SPNS2: variants seen among roughly 807,000 people sequenced by gnomAD.
SPNS2 encodes the protein SPNS lysolipid transporter 2, sphingosine-1-phosphate.
Under a neutral mutation model 57.6 loss-of-function variants are expected in SPNS2, and 37 were observed. The observed-to-expected ratio is 0.64, with a 90% CI of 0.49 to 0.85. The LOEUF (loss-of-function observed/expected upper bound fraction) is 0.85, where lower values mean the gene tolerates loss of function less well. Ranked by LOEUF, SPNS2 falls within the 40% of genes least tolerant of loss-of-function variation. The pLI is 0.00. For missense variants in SPNS2, 831 were observed against 779.1 expected, an observed-to-expected ratio of 1.07 and a Z score of -0.79; for synonymous variants, 440 against 346.9, an observed-to-expected ratio of 1.27 and a Z score of -2.98.
chr17:4,537,146 T>C (rs569507373), intron 12 of SPNS2, among the ~76,000 whole-genome samples, 200 bp downstream of exon 12: 4 of 152,344 alleles, frequency 2.6e-5, no homozygotes, highest in Admixed American at 2.6e-4. Flanking sequence ...TCCAGTAAAT[T>C]AGCTCCCCTT....
At chr17:4,516,992 A>G (rs564740807) in intron 2 of SPNS2, among the ~76,000 whole-genome samples, 31 of 152,354 alleles carry the variant, frequency 2.0e-4, no homozygotes, top group African/African-American at 7.5e-4. Context: ...CTTCCATAGA[A>G]CACATCACCC....
At chr17:4,532,451 A>G in intron 5 of SPNS2, 91 bp from the exon 6 acceptor site, 1 of 1,571,388 alleles carries the variant, frequency 6.4e-7, no homozygotes, top group South Asian at 1.1e-5. Context: ...CCTATGGCCC[A>G]GAGAAGGCAT....
intron 2 of SPNS2, among the ~76,000 whole-genome samples, chr17:4,521,594 G>A (rs918933166): frequency 6.6e-6 from 1 of 152,226 alleles, no homozygotes; most frequent in African/African-American, 2.4e-5. Flanking sequence ...GCTCATGAGA[G>A]TCAATTGTTA....
intron 2 of SPNS2, among the ~76,000 whole-genome samples, chr17:4,515,529 CTCACCTG>C (rs1393422947): frequency 2.0e-5 from 3 of 152,190 alleles, no homozygotes; most frequent in Non-Finnish European, 4.4e-5. Context: ...CACCATGGCC[CTCACCTG>C]TCACCTACCC....
chr17:4,531,055 G>T lies in SPNS2; in HGVS notation c.728G>T (p.Gly243Val). The T allele has an allele frequency of 6.2e-7, 1 of 1,614,026 alleles. No homozygotes were observed. The highest frequency in any genetic ancestry group is 8.5e-7 in the Non-Finnish European group (1 of 1,179,992). The stretch of plus-strand genomic sequence containing the variant: ...TGACGTGTGTCTCTTCTCTGCAGTG[G>T]CCTGGGCTACATTACTGGCTCCAGC... ...VFYFAIPLGS[G>V]LGYITGSSVK... Residue 243 changes from glycine to valine, a missense_variant and splice_region_variant, in exon 5 of 13, where the codon GGC becomes GTC. Transcript: ENST00000329078.
At position 4,536,190 on chromosome 17, in the gene SPNS2, G is replaced by T. The variant is rs561430181; in HGVS notation, c.1443+16G>T. The stretch of plus-strand genomic sequence containing the variant: ...CATTGGCTTTGTGAGTAGCCCCGGG[G>T]TGGGGCTGGCCAGGGCAGGCTGGGG... On this transcript the variant is annotated intron_variant, in intron 10 of 12. Transcript: ENST00000329078. 31 of 1,610,204 alleles carry T rather than the reference G, an allele frequency of 1.9e-5. No homozygotes were observed. In the South Asian group the frequency reaches 3.2e-4, roughly 17 times the overall value.
At chr17:4,506,189 C>T (rs905987297) in intron 1 of SPNS2, among the ~76,000 whole-genome samples, 1 of 152,168 alleles carries the variant, frequency 6.6e-6, no homozygotes, top group Non-Finnish European at 1.5e-5. Context: ...ACCTTCTGCA[C>T]GTCAGCTTCC....
chr17:4,536,062 C>G lies in SPNS2; in HGVS notation c.1345-14C>G, dbSNP rs373646984. The G allele has an allele frequency of 4.2e-5, 68 of 1,606,700 alleles. No individual in the cohort carries two copies. The highest frequency in any genetic ancestry group is 1.8e-4 in the Middle Eastern group (1 of 5,664). On this transcript the variant is annotated splice_polypyrimidine_tract_variant and intron_variant, in intron 9 of 12. Transcript: ENST00000329078. ...TTTCTCCTCTGGCCGCTGACCTGCCCGCCTGTTCCGCAGTACGTGGTCATC... is the reference window on the plus strand; with the variant it reads ...TTTCTCCTCTGGCCGCTGACCTGCCGGCCTGTTCCGCAGTACGTGGTCATC...
chr17:4,526,078 G>A (rs1905256581), intron 3 of SPNS2, among the ~76,000 whole-genome samples: 1 of 152,242 alleles, frequency 6.6e-6, no homozygotes, highest in Non-Finnish European at 1.5e-5. Flanking sequence ...GGGGTAGGAA[G>A]ATTTGACAGG....
At chr17:4,513,204 G>C (rs1320018050) in intron 1 of SPNS2, 43 bp from the exon 2 acceptor site, 2 of 1,605,364 alleles carry the variant, frequency 1.2e-6, no homozygotes, top group South Asian at 1.1e-5. Flanking sequence ...GGGGACACCA[G>C]CCATCAGACT....
At chr17:4,503,034 G>A (rs536219481) in intron 1 of SPNS2, among the ~76,000 whole-genome samples, 46 of 152,308 alleles carry the variant, frequency 3.0e-4, no homozygotes, top group Admixed American at 6.5e-4. Context: ...TCTTCTTACC[G>A]AGCGTTGCTT....
In SPNS2 at chr17:4,537,974, G is replaced by A; in HGVS notation, c.*526G>A. On this transcript the variant is annotated 3_prime_UTR_variant, in exon 13 of 13. Transcript: ENST00000329078. ...GAGGGCCTGGTATGCAGGGACCACT[G>A]CTCAGCTGGGCCTCGGACCTTGGGG... 1.4e-5 allele frequency: 5 copies of A among 359,054 alleles called. No homozygotes were observed. The highest frequency in any genetic ancestry group is 2.8e-5 in the Non-Finnish European group (5 of 179,140). The allele number at this position is 359,054 out of a possible 1,614,324, so 22.2% of individuals were successfully genotyped here.
chr17:4,534,663 G>C (rs541201190), intron 9 of SPNS2, among the ~76,000 whole-genome samples: 1 of 152,114 alleles, frequency 6.6e-6, no homozygotes, highest in Non-Finnish European at 1.5e-5. Flanking sequence ...CTGAGCCTCC[G>C]GGCGTATCCG....
intron 5 of SPNS2, among the ~76,000 whole-genome samples, chr17:4,532,006 G>C: frequency 6.6e-6 from 1 of 152,140 alleles, no homozygotes; most frequent in Middle Eastern, 3.4e-3. Context: ...AGGGCCCTGC[G>C]GCTGAGGAAC....
chr17:4,539,015 G>T lies in SPNS2; in HGVS notation c.*1567G>T. The stretch of plus-strand genomic sequence containing the variant: ...CAAATATATTCCTCTTGTAAATGAA[G>T]AAATAAACCTATTTAAATCACCCCC... On this transcript the variant is annotated 3_prime_UTR_variant, in exon 13 of 13. Coordinates refer to ENST00000329078, the MANE Select transcript of SPNS2 (RefSeq NM_001124758.3). The T allele has an allele frequency of 1.2e-6, 1 of 827,078 alleles. No individual in the cohort carries two copies. Among genetic ancestry groups the T allele is most frequent in the Non-Finnish European group, 2.2e-6 (1 of 461,074 alleles). 51.2% of individuals were successfully genotyped at this position (827,078 alleles called of 1,614,324 possible).
intron 2 of SPNS2, among the ~76,000 whole-genome samples, chr17:4,515,243 C>T (rs983630199): frequency 6.6e-6 from 1 of 152,210 alleles, no homozygotes; most frequent in Non-Finnish European, 1.5e-5. Flanking sequence ...AAAGCACACA[C>T]AGGCATTGTC....
Position 4,530,754 on chromosome 17 carries a change from C to A in SPNS2, c.696C>A (p.Ser232=). The change falls in exon 4 of 13, where the codon TCC becomes TCA. Residue 232 remains serine (S), a synonymous_variant. Coordinates refer to ENST00000329078, the MANE Select transcript of SPNS2 (RefSeq NM_001124758.3). ...FTKNTRTLML[S]VFYFAIPLGS... ...AGAACACGCGTACGCTCATGCTGTC[C>A]GTCTTCTACTTCGCCATCCCACTGG... The A allele has an allele frequency of 6.2e-7, 1 of 1,613,816 alleles. No individual in the cohort carries two copies. Among genetic ancestry groups the A allele is most frequent in the Non-Finnish European group, 8.5e-7 (1 of 1,179,886 alleles).
At position 4,537,912 on chromosome 17, in the gene SPNS2, G is replaced by A. The variant is rs762920875; in HGVS notation, c.*464G>A. The A allele has an allele frequency of 2.2e-5, 9 of 407,548 alleles. No individual in the cohort carries two copies. Among genetic ancestry groups the A allele is most frequent in the Non-Finnish European group, 4.5e-5 (9 of 198,496 alleles). The allele number at this position is 407,548 out of a possible 1,614,324, so 25.2% of individuals were successfully genotyped here. On this transcript the variant is annotated 3_prime_UTR_variant, in exon 13 of 13. Coordinates refer to ENST00000329078, the MANE Select transcript of SPNS2 (RefSeq NM_001124758.3). ...GACCATACGGAGAGCAGGTGGCCCA[G>A]GCCTCAGGGCGGCAGTCCCGGCTTT...
In SPNS2 at chr17:4,537,342, G is replaced by A. The variant is rs112073962; in HGVS notation, c.*5-111G>A. 9.1e-3 allele frequency: 3,674 copies of A among 402,494 alleles called. 157 individuals carry two copies. Among genetic ancestry groups the A allele is most frequent in the African/African-American group, 0.069 (3,337 of 48,710 alleles). The allele number at this position is 402,494 out of a possible 1,614,324, so 24.9% of individuals were successfully genotyped here. A position where few individuals can be genotyped will look rare whatever the true frequency, so the allele number is the denominator to read the frequency against. ...CACGAGACCCAGGGTCACAGCTGCAGGTCCAGGAGAAGGCTTGCGTCTCCA... is the reference window on the plus strand; with the variant it reads ...CACGAGACCCAGGGTCACAGCTGCAAGTCCAGGAGAAGGCTTGCGTCTCCA... On this transcript the variant is annotated intron_variant, in intron 12 of 12. Transcript: ENST00000329078.
Sources: allele counts gnomAD v4.1 joint callset (sites outside exome capture counted in the v4.1 genomes callset), GRCh38; gene constraint gnomAD v4.1.1; transcripts MANE v1.5; gene names NCBI Gene and HGNC (gene_info 2026-07-23, HGNC 2026-07-21).